SLC35F2: variants seen among roughly 807,000 people sequenced by gnomAD.
SLC35F2 encodes the protein queuine/queuosine transporter SLC35F2.
In SLC35F2, 25 loss-of-function variants were observed where a neutral mutation model predicts 38.1. The ratio of observed to expected loss-of-function variants is 0.66; its 90% confidence interval spans 0.48 to 0.92. The LOEUF (loss-of-function observed/expected upper bound fraction) is 0.92. Among genes scored for constraint, SLC35F2 ranks in the 40% least tolerant of loss-of-function variants. The probability of loss-of-function intolerance (pLI) is 0.00; values close to 1 mark genes in which losing one functional copy is unlikely to be tolerated. For synonymous variants in SLC35F2, 173 were observed against 181.7 expected (o/e 0.95, Z 0.38); for missense variants, 409 against 452.9 (o/e 0.90, Z 0.88).
intron 3 of SLC35F2, among the ~76,000 whole-genome samples, chr11:107,807,293 C>CA (rs71047626): frequency 1.2e-4 from 8 of 67,284 alleles, no homozygotes; most frequent in South Asian, 4.6e-4. Context: ...AAAACAACAA[C>CA]AAAAAAAAAC....
intron 1 of SLC35F2, among the ~76,000 whole-genome samples, chr11:107,848,082 G>T (rs1024225859): frequency 6.6e-6 from 1 of 152,146 alleles, no homozygotes; most frequent in African/African-American, 2.4e-5. Context: ...TTTGAAATGT[G>T]CAGAGTTTGG....
rs563319926 is a variant in SLC35F2, at chr11:107,815,844, T to C, written c.232A>G (p.Ile78Val). The C allele has an allele frequency of 1.8e-5, 29 of 1,613,986 alleles. No homozygotes were observed. In the South Asian group the frequency reaches 3.0e-4, roughly 17 times the overall value. ...KVNTPMLQSF[I>V]NYCLLFLIYT... is the part of the protein sequence containing the mutation. Reference sequence around the variant, plus strand: ...ATTAGGAACAGCAAGCAATAATTGATAAAGCTCTGAAGCATGGGGGTGTTC... The same window carrying C: ...ATTAGGAACAGCAAGCAATAATTGACAAAGCTCTGAAGCATGGGGGTGTTC... The change falls in exon 2 of 8, where the codon ATC becomes GTC. Residue 78 changes from isoleucine (I) to valine (V), a missense_variant. Ile to Val is a conservative substitution (Grantham distance 29). Transcript: ENST00000525815.
chr11:107,820,878 C>A (rs1248876807), intron 1 of SLC35F2, among the ~76,000 whole-genome samples: 1 of 152,156 alleles, frequency 6.6e-6, no homozygotes, highest in African/African-American at 2.4e-5. Flanking sequence ...ATTGCTTGAA[C>A]CTGGGAGGCA....
intron 6 of SLC35F2, chr11:107,803,604 G>A (rs2095820984): frequency 3.2e-6 from 2 of 626,460 alleles, no homozygotes; most frequent in Middle Eastern, 1.6e-3. Flanking sequence ...TATCTTTAAA[G>A]ACATCAAAGA....
chr11:107,803,338 A>T, intron 6 of SLC35F2, 183 bp from the exon 7 acceptor site: 1 of 985,036 alleles, frequency 1.0e-6, no homozygotes, highest in Non-Finnish European at 1.2e-6. Context: ...TATAAATAGC[A>T]AGTTGTGATG....
intron 3 of SLC35F2, 35 bp downstream of exon 3, chr11:107,811,632 A>G (rs11825238): frequency 6.4e-7 from 1 of 1,558,342 alleles, no homozygotes; most frequent in African/African-American, 1.4e-5. Context: ...TTTTGAAGCT[A>G]TAAAATCCAA....
In SLC35F2 at chr11:107,810,545, G is replaced by C. The variant is rs185557806; in HGVS notation, c.414+1122C>G. The stretch of plus-strand genomic sequence containing the variant: ...GCTAAAAGTACACTTACTCCTATTA[G>C]TGATAAACTTCATTCTCTAGGTAAC... On this transcript the variant is annotated intron_variant, in intron 3 of 7. Transcript: ENST00000525815. 2,787 of 983,344 alleles carry C rather than the reference G, an allele frequency of 2.8e-3. 8 individuals carry two copies. Among genetic ancestry groups the C allele is most frequent in the Non-Finnish European group, 3.2e-3 (2,619 of 829,714 alleles). The allele number at this position is 983,344 out of a possible 1,614,324, so 60.9% of individuals were successfully genotyped here. A position where few individuals can be genotyped will look rare whatever the true frequency, so the allele number is the denominator to read the frequency against.
intron 1 of SLC35F2, among the ~76,000 whole-genome samples, chr11:107,856,105 CAAAAAAAAA>C (rs1229189240): frequency 2.1e-5 from 2 of 95,682 alleles, no homozygotes; most frequent in Admixed American, 2.1e-4. Flanking sequence ...AACTCTGTCT[CAAAAAAAAA>C]AAAAAAAAAG....
At chr11:107,796,709 C>T (rs958866487) in intron 7 of SLC35F2, among the ~76,000 whole-genome samples, 1 of 152,142 alleles carries the variant, frequency 6.6e-6, no homozygotes, top group African/African-American at 2.4e-5. Context: ...GGCTCTGTCA[C>T]CCAGGCTGGA....
At chr11:107,834,483 T>C (rs1337702014) in intron 1 of SLC35F2, among the ~76,000 whole-genome samples, 2 of 152,052 alleles carry the variant, frequency 1.3e-5, no homozygotes, top group Non-Finnish European at 2.9e-5. Context: ...AAACCCCATC[T>C]CTACTAAAAA....
chr11:107,833,962 A>G (rs660042), intron 1 of SLC35F2, among the ~76,000 whole-genome samples: 54,904 of 152,170 alleles, frequency 0.36, 10,065 homozygotes, highest in South Asian at 0.47. Context: ...GTGGGGCTCT[A>G]AATCTTTCAT....
At chr11:107,853,922 A>G (rs916911079) in intron 1 of SLC35F2, among the ~76,000 whole-genome samples, 1 of 152,002 alleles carries the variant, frequency 6.6e-6, no homozygotes, top group Admixed American at 6.6e-5. Context: ...ACGCGTTTTT[A>G]AAATATATGA....
intron 1 of SLC35F2, among the ~76,000 whole-genome samples, chr11:107,817,005 C>T (rs987188023): frequency 3.3e-5 from 5 of 152,044 alleles, no homozygotes; most frequent in African/African-American, 7.2e-5. Flanking sequence ...AGGCTGGGTG[C>T]GGTGGCTCAC....
chr11:107,850,445 A>G (rs931761030), intron 1 of SLC35F2, among the ~76,000 whole-genome samples: 10 of 152,092 alleles, frequency 6.6e-5, no homozygotes, highest in African/African-American at 1.9e-4. Context: ...GAATATCACA[A>G]CTGGGAGTGG....
intron 1 of SLC35F2, chr11:107,824,066 A>C: frequency 3.3e-6 from 3 of 904,144 alleles, no homozygotes; most frequent in Non-Finnish European, 4.0e-6. Flanking sequence ...TCAATGTATC[A>C]TCTAATTCTA....
At position 107,804,786 on chromosome 11, in the gene SLC35F2, G is replaced by C. The variant is rs1218353236; in HGVS notation, c.732-16C>G. 6.3e-7 allele frequency: 1 copy of C among 1,593,830 alleles called. No individual in the cohort carries two copies. Among genetic ancestry groups the C allele is most frequent in the Non-Finnish European group, 8.5e-7 (1 of 1,169,694 alleles). On this transcript the variant is annotated splice_polypyrimidine_tract_variant and intron_variant, in intron 5 of 7. Transcript: ENST00000525815. ...CACAATCAATCTAAGATTAAAACAAGAGGTCACAGAGAGGTCCACATACTA... is the reference window on the plus strand; with the variant it reads ...CACAATCAATCTAAGATTAAAACAACAGGTCACAGAGAGGTCCACATACTA...
At chr11:107,802,096 G>A (rs550194107) in intron 7 of SLC35F2, among the ~76,000 whole-genome samples, 1 of 152,144 alleles carries the variant, frequency 6.6e-6, no homozygotes, top group East Asian at 1.9e-4. Flanking sequence ...AAATTAGCCA[G>A]GAATGATGGA....
At chr11:107,808,280 T>C (rs1859428670) in intron 3 of SLC35F2, among the ~76,000 whole-genome samples, 1 of 152,082 alleles carries the variant, frequency 6.6e-6, no homozygotes, top group Admixed American at 6.5e-5. Flanking sequence ...ACACCTGATA[T>C]TGCTCATCTG....
chr11:107,858,382 A>C, intron 1 of SLC35F2: 2 of 248,016 alleles, frequency 8.1e-6, no homozygotes, highest in Non-Finnish European at 1.4e-5. Context: ...GGACCGACCT[A>C]ATAGTGCCAC....
Sources: allele counts gnomAD v4.1 joint callset (sites outside exome capture counted in the v4.1 genomes callset), GRCh38; gene constraint gnomAD v4.1.1; transcripts MANE v1.5; gene names NCBI Gene and HGNC (gene_info 2026-07-23, HGNC 2026-07-21).